EIF3L: variants seen among roughly 807,000 people sequenced by gnomAD.
EIF3L encodes eukaryotic translation initiation factor 3 subunit L, also known as eIEF associated protein HSPC021.
In EIF3L, 32 loss-of-function variants were observed where a neutral mutation model predicts 74.6. That is an observed-to-expected ratio of 0.43 (90% CI 0.32 to 0.58). The LOEUF is 0.58. Ranked by LOEUF, EIF3L falls within the 20% of genes least tolerant of loss-of-function variation. The pLI, the probability that EIF3L is intolerant of heterozygous loss-of-function variation, is 0.06. For synonymous variants in EIF3L, 256 were observed against 254.4 expected, an observed-to-expected ratio of 1.01 and a Z score of -0.06; for missense variants, 474 against 707.8, an observed-to-expected ratio of 0.67 and a Z score of 3.75.
chr22:37,867,291 A>G (rs2145819974), intron 7 of EIF3L, among the ~76,000 whole-genome samples: 1 of 152,312 alleles, frequency 6.6e-6, no homozygotes, highest in African/African-American at 2.4e-5. Flanking sequence ...GGCGTGAGCC[A>G]CCATGCCTAG....
chr22:37,862,732 C>T (rs1210072154), intron 5 of EIF3L, among the ~76,000 whole-genome samples: 1 of 152,180 alleles, frequency 6.6e-6, no homozygotes, highest in African/African-American at 2.4e-5. Context: ...ATCATCATCC[C>T]TGCTCTGAGG....
intron 11 of EIF3L, chr22:37,878,956 T>TC (rs1926902446): frequency 6.7e-6 from 1 of 150,250 alleles, no homozygotes; most frequent in Non-Finnish European, 1.5e-5. Flanking sequence ...GTTTTTTTTT[T>TC]TTTTTTTTTG....
At chr22:37,878,396 G>A (rs1051362105) in intron 11 of EIF3L, 5 of 341,442 alleles carry the variant, frequency 1.5e-5, no homozygotes, top group African/African-American at 6.6e-5. Flanking sequence ...CCTGGGCAAC[G>A]TAGTGAGACC....
chr22:37,873,443 G>A (rs1348037461), intron 8 of EIF3L, among the ~76,000 whole-genome samples: 4 of 150,930 alleles, frequency 2.7e-5, no homozygotes, highest in East Asian at 1.9e-4. Context: ...GGCTACAGGC[G>A]CCCACCACCA....
chr22:37,880,176 G>C (rs912666049), intron 11 of EIF3L: 1 of 151,790 alleles, frequency 6.6e-6, no homozygotes, highest in East Asian at 1.9e-4. Flanking sequence ...GCAGTGGCGC[G>C]ATCTCAGCTC....
At chr22:37,877,256 G>A in intron 10 of EIF3L, 1 of 175,366 alleles carries the variant, frequency 5.7e-6, no homozygotes, top group Non-Finnish European at 1.2e-5. Context: ...TAATCTTGCA[G>A]GATCACCATC....
In EIF3L at chr22:37,851,314, G is replaced by A. The variant is rs1322115505; in HGVS notation, c.117G>A (p.Gln39=). The part of the protein sequence containing the change: ...DPKQDLAYER[Q]YEQQTYQVIP... Reference sequence around the variant, plus strand: ...AGCAGGACCTTGCTTATGAACGTCAGTATGAACAGCAAACCTATCAGGTGA... The same window carrying A: ...AGCAGGACCTTGCTTATGAACGTCAATATGAACAGCAAACCTATCAGGTGA... The change falls in exon 3 of 13, where the codon CAG becomes CAA. Residue 39 remains glutamine (Q), a synonymous_variant. Coordinates refer to ENST00000652021, the MANE Select transcript of EIF3L (RefSeq NM_016091.4). The A allele has an allele frequency of 1.2e-6, 2 of 1,614,188 alleles. No individual in the cohort carries two copies. The highest frequency in any genetic ancestry group is 8.5e-7 in the Non-Finnish European group (1 of 1,180,032).
chr22:37,882,299 C>T lies in EIF3L; in HGVS notation c.1575+4128C>T, dbSNP rs186662600. Reference sequence around the variant, plus strand: ...TCCAGCCTTTGTGACAGAGATGAGACTGCATCTTGAAAAAAAGAGAAAAAG... The same window carrying T: ...TCCAGCCTTTGTGACAGAGATGAGATTGCATCTTGAAAAAAAGAGAAAAAG... On this transcript the variant is annotated intron_variant, in intron 11 of 12. Transcript: ENST00000652021. 23 of 152,188 alleles carry T rather than the reference C, an allele frequency of 1.5e-4. No homozygotes were observed. The East Asian group carries it at 3.9e-3, about 26-fold the overall frequency. The allele number at this position is 152,188 out of a possible 1,614,324, so 9.4% of individuals were successfully genotyped here. A position where few individuals can be genotyped will look rare whatever the true frequency, so the allele number is the denominator to read the frequency against.
intron 7 of EIF3L, among the ~76,000 whole-genome samples, chr22:37,868,416 C>T (rs1345964745): frequency 1.3e-5 from 2 of 151,166 alleles, no homozygotes; most frequent in African/African-American, 2.4e-5. Flanking sequence ...TAAGCGCCAC[C>T]GCACCCAGCC....
At chr22:37,872,020 T>G (rs902921612) in intron 8 of EIF3L, among the ~76,000 whole-genome samples, 2 of 152,126 alleles carry the variant, frequency 1.3e-5, no homozygotes, top group South Asian at 2.1e-4. Flanking sequence ...TCATACAGAT[T>G]AGGTGCAGTG....
At chr22:37,884,287 TTATC>T (rs1237968960) in intron 11 of EIF3L, 1 of 152,254 alleles carries the variant, frequency 6.6e-6, no homozygotes, top group Non-Finnish European at 1.5e-5. Context: ...TGCATTTTGT[TTATC>T]CATTTGTTGT....
chr22:37,856,167 C>T (rs1925491755), intron 4 of EIF3L, among the ~76,000 whole-genome samples: 1 of 152,024 alleles, frequency 6.6e-6, no homozygotes, highest in African/African-American at 2.4e-5. Flanking sequence ...AAGCGATTCT[C>T]CTAGGTTCAA....
chr22:37,851,191 G>A lies in EIF3L; in HGVS notation c.83-89G>A, dbSNP rs566776186. 1.1e-5 allele frequency: 12 copies of A among 1,058,656 alleles called. No individual in the cohort carries two copies. The South Asian group carries it at 1.8e-4, about 16-fold the overall frequency. 65.6% of individuals were successfully genotyped at this position (1,058,656 alleles called of 1,614,324 possible). A position where few individuals can be genotyped will look rare whatever the true frequency, so the allele number is the denominator to read the frequency against. ...TCAAAAGGGAATTTTACGCAGACCT[G>A]AGTTTAGTTTCTGGGGTGGTCTTGC... On this transcript the variant is annotated intron_variant, in intron 2 of 12. Transcript: ENST00000652021.
At chr22:37,888,327 C>T in intron 12 of EIF3L, 99 bp from the exon 13 acceptor site, 1 of 1,330,832 alleles carries the variant, frequency 7.5e-7, no homozygotes, top group Non-Finnish European at 1.1e-6. Context: ...TTCTTGGCTT[C>T]AGAGGGGCAG....
At chr22:37,877,373 A>C in intron 10 of EIF3L, 1 of 317,492 alleles carries the variant, frequency 3.1e-6, no homozygotes, top group Non-Finnish European at 5.8e-6. Flanking sequence ...GGTTTTGGGT[A>C]ACTCGATCCT....
At chr22:37,873,687 G>C (rs1302156614) in intron 8 of EIF3L, among the ~76,000 whole-genome samples, 1 of 151,674 alleles carries the variant, frequency 6.6e-6, no homozygotes, top group East Asian at 1.9e-4. Context: ...TGTTACCCAG[G>C]CCAAAATGCA....
At chr22:37,886,896 A>C in intron 12 of EIF3L, 51 bp downstream of exon 12, 1 of 1,429,254 alleles carries the variant, frequency 7.0e-7, no homozygotes, top group Non-Finnish European at 9.8e-7. Context: ...AGAGCTTAGG[A>C]ACTGAATCGA....
Position 37,855,727 on chromosome 22 carries a change from G to A in EIF3L, c.373+83G>A, listed in dbSNP as rs534566585. On this transcript the variant is annotated intron_variant, in intron 4 of 12. Transcript: ENST00000652021. ...AGACAGGAAGCTCAAGAGGGTCTGT[G>A]TCTGTTTTGCTCACCATTTTGTTTC... 20 of 1,232,948 alleles carry A rather than the reference G, an allele frequency of 1.6e-5. No homozygotes were observed. In the African/African-American group the frequency reaches 2.7e-4, roughly 17 times the overall value. The allele number at this position is 1,232,948 out of a possible 1,614,324, so 76.4% of individuals were successfully genotyped here.
intron 1 of EIF3L, 128 bp downstream of exon 1, chr22:37,849,610 A>C: frequency 9.3e-7 from 1 of 1,074,528 alleles, no homozygotes; most frequent in Non-Finnish European, 1.4e-6. Flanking sequence ...CCCGGCCCTC[A>C]GGCTGCTCCC....
Sources: gnomAD v4.1 joint callset for allele counts (sites outside exome capture counted in the v4.1 genomes callset) on GRCh38, gnomAD v4.1.1 for gene constraint, MANE v1.5 for transcripts, NCBI Gene and HGNC (gene_info 2026-07-23, HGNC 2026-07-21) for gene names.